The following GNAQ variants were observed in gnomAD, a reference collection of about 807,000 sequenced individuals.
GNAQ encodes guanine nucleotide-binding protein G(q) subunit alpha.
A neutral mutation model predicts 43.9 loss-of-function variants in GNAQ; 8 were observed. That is an observed-to-expected ratio of 0.18 (90% CI 0.11 to 0.33). The LOEUF is 0.33. Among genes scored for constraint, GNAQ ranks in the 10% least tolerant of loss-of-function variants. GNAQ has a pLI of 1.00. For synonymous variants in GNAQ, 155 were observed against 170.7 expected (o/e 0.91, Z 0.71); for missense variants, 158 against 450.8 (o/e 0.35, Z 5.88).
chr9:77,884,767 A>T (rs1828274509), intron 2 of GNAQ, among the ~76,000 whole-genome samples: 1 of 152,222 alleles, frequency 6.6e-6, no homozygotes. Flanking sequence ...TTCAATCAGC[A>T]TTCCCTTAAC....
intron 2 of GNAQ, among the ~76,000 whole-genome samples, chr9:77,874,546 T>C (rs866121624): frequency 3.9e-5 from 6 of 152,206 alleles, no homozygotes; most frequent in Non-Finnish European, 5.9e-5. Context: ...TCCTTCCCTA[T>C]GTCCCTCAAA....
intron 5 of GNAQ, among the ~76,000 whole-genome samples, chr9:77,762,266 G>A (rs1337611619): frequency 6.4e-5 from 9 of 141,638 alleles, no homozygotes; most frequent in Admixed American, 1.4e-4. Flanking sequence ...TCAGCCCCCC[G>A]CCTGGCCAGC....
In GNAQ at chr9:77,719,925, C is replaced by T; in HGVS notation, c.*1398G>A. On this transcript the variant is annotated 3_prime_UTR_variant, in exon 7 of 7. Coordinates refer to ENST00000286548, the MANE Select transcript of GNAQ (RefSeq NM_002072.5). Reference sequence around the variant, plus strand: ...GAAGATCATGAAGGTGGTAAACTAGCAGGAACTTCAGATTTTGGAAATTAA... The same window carrying T: ...GAAGATCATGAAGGTGGTAAACTAGTAGGAACTTCAGATTTTGGAAATTAA... 4.3e-6 allele frequency: 1 copy of T among 232,334 alleles called. No homozygotes were observed. The highest frequency in any genetic ancestry group is 8.5e-6 in the Non-Finnish European group (1 of 117,534). The allele number at this position is 232,334 out of a possible 1,614,324, so 14.4% of individuals were successfully genotyped here.
intron 5 of GNAQ, among the ~76,000 whole-genome samples, chr9:77,750,416 T>C (rs1008286591): frequency 6.6e-6 from 1 of 152,162 alleles, no homozygotes; most frequent in African/African-American, 2.4e-5. Flanking sequence ...AATAAGAACA[T>C]TTTAAATGTA....
intron 2 of GNAQ, among the ~76,000 whole-genome samples, chr9:77,908,848 G>T (rs1208702826): frequency 1.3e-5 from 2 of 152,106 alleles, no homozygotes; most frequent in Non-Finnish European, 2.9e-5. Context: ...GCCCACCCTG[G>T]ATCTACTGAA....
In GNAQ at chr9:77,763,141, C is replaced by CAAACAAA. The variant is rs1462515368; in HGVS notation, c.735+31321_735+31322insTTTGTTT. 3.7e-4 allele frequency among the ~76,000 whole-genome samples: 24 copies of CAAACAAA among 64,892 alleles called. 1 individual carries two copies. Among genetic ancestry groups the CAAACAAA allele is most frequent in the African/African-American group, 8.0e-4 (23 of 28,768 alleles). The allele number at this position is 64,892 out of a possible 152,430, so 42.6% of individuals were successfully genotyped here. A position where few individuals can be genotyped will look rare whatever the true frequency, so the allele number is the denominator to read the frequency against. On this transcript the variant is annotated intron_variant, in intron 5 of 6. Coordinates refer to ENST00000286548, the MANE Select transcript of GNAQ (RefSeq NM_002072.5). ...ACAAAAAAATAAACAAACAAACAAA[C>CAAACAAA]AAAAAAAAAAAAAACAAAGGAAAAG...
chr9:77,963,076 G>C (rs574125244), intron 1 of GNAQ, among the ~76,000 whole-genome samples: 1 of 152,006 alleles, frequency 6.6e-6, no homozygotes, highest in South Asian at 2.1e-4. Context: ...AGAACAACAC[G>C]AATTCTGCTA....
intron 5 of GNAQ, among the ~76,000 whole-genome samples, chr9:77,790,969 T>C (rs551281768): frequency 5.9e-5 from 9 of 152,224 alleles, no homozygotes; most frequent in South Asian, 2.1e-4. Context: ...CTTTTATCAA[T>C]TGAGCAACTT....
chr9:77,890,874 T>C (rs1828395020), intron 2 of GNAQ, among the ~76,000 whole-genome samples: 1 of 152,200 alleles, frequency 6.6e-6, no homozygotes, highest in African/African-American at 2.4e-5. Context: ...GGGGCACGTT[T>C]AGTTGCTCAT....
chr9:77,904,842 G>C (rs2118174008), intron 2 of GNAQ, among the ~76,000 whole-genome samples: 1 of 152,180 alleles, frequency 6.6e-6, no homozygotes, highest in South Asian at 2.1e-4. Context: ...GCTTACAACA[G>C]CTAGATTCTA....
intron 5 of GNAQ, among the ~76,000 whole-genome samples, chr9:77,753,207 C>T (rs529995006): frequency 6.3e-4 from 96 of 152,078 alleles, no homozygotes; most frequent in Admixed American, 2.0e-3. Context: ...AGACACATAC[C>T]CGAGGCACAT....
At chr9:77,758,286 A>C (rs1825935215) in intron 5 of GNAQ, among the ~76,000 whole-genome samples, 1 of 152,234 alleles carries the variant, frequency 6.6e-6, no homozygotes, top group Non-Finnish European at 1.5e-5. Flanking sequence ...GATTTTCCTC[A>C]AGGTTACTCA....
chr9:77,959,834 T>C (rs1446042960), intron 1 of GNAQ, among the ~76,000 whole-genome samples: 4 of 152,170 alleles, frequency 2.6e-5, no homozygotes, highest in Non-Finnish European at 5.9e-5. Context: ...TTTTGGAAAC[T>C]AAGGATGTCA....
intron 2 of GNAQ, among the ~76,000 whole-genome samples, chr9:77,834,983 C>T (rs1827360261): frequency 1.3e-5 from 2 of 152,104 alleles, no homozygotes; most frequent in African/African-American, 4.8e-5. Context: ...TCCCTCCTTA[C>T]CTGAGGGAGA....
At chr9:77,932,068 T>C (rs1829160900) in intron 1 of GNAQ, among the ~76,000 whole-genome samples, 1 of 152,112 alleles carries the variant, frequency 6.6e-6, no homozygotes, top group Non-Finnish European at 1.5e-5. Context: ...AAAGACAGGA[T>C]CATTAACAGA....
chr9:77,742,361 T>C (rs953249217), intron 5 of GNAQ, among the ~76,000 whole-genome samples: 9 of 152,176 alleles, frequency 5.9e-5, no homozygotes, highest in African/African-American at 2.2e-4. Flanking sequence ...ACTACGCATT[T>C]TTTGACAAAA....
chr9:78,026,095 A>G (rs1823976475), intron 1 of GNAQ, among the ~76,000 whole-genome samples: 1 of 152,164 alleles, frequency 6.6e-6, no homozygotes, highest in Non-Finnish European at 1.5e-5. Context: ...ATTCTATCAA[A>G]TTTATTTATA....
intron 2 of GNAQ, among the ~76,000 whole-genome samples, chr9:77,879,419 A>C (rs1828177184): frequency 6.6e-6 from 1 of 152,100 alleles, no homozygotes; most frequent in African/African-American, 2.4e-5. Context: ...ACCCACCACC[A>C]CATCCAGCTT....
intron 1 of GNAQ, among the ~76,000 whole-genome samples, chr9:77,996,437 T>C (rs943513263): frequency 1.3e-5 from 2 of 152,026 alleles, no homozygotes; most frequent in African/African-American, 2.4e-5. Flanking sequence ...CCCAGCACTT[T>C]GGGAAGCCGA....
Sources: allele counts gnomAD v4.1 joint callset (sites outside exome capture counted in the v4.1 genomes callset), GRCh38; gene constraint gnomAD v4.1.1; transcripts MANE v1.5; gene names NCBI Gene and HGNC (gene_info 2026-07-23, HGNC 2026-07-21).